RGPD2: variants seen among roughly 807,000 people sequenced by gnomAD.
The protein encoded by RGPD2 is RANBP2-like and GRIP domain-containing protein 2.
RGPD2 carries 2 observed loss-of-function variants against 36.0 expected under a neutral mutation model. The ratio of observed to expected loss-of-function variants is 0.06; its 90% CI spans 0.02 to 0.17. RGPD2 has a LOEUF of 0.17. Ranked by LOEUF, RGPD2 falls within the 10% of genes least tolerant of loss-of-function variation. RGPD2 has a pLI of 1.00. For synonymous variants in RGPD2, 19 were observed against 163.8 expected, an observed-to-expected ratio of 0.12 and a Z score of 6.75; for missense variants, 40 against 464.3, an observed-to-expected ratio of 0.09 and a Z score of 8.40.
rs777727277 is a variant in RGPD2, at chr2:87,825,695, A to C, written c.35T>G (p.Leu12Arg). Residue 12 changes from leucine (L) to arginine (R), a missense_variant, in exon 1 of 23, where the codon CTC (leucine) becomes CGC (arginine). Physicochemically the swap from Leu to Arg is moderately radical, Grantham distance 102. Transcript: ENST00000398146. ...RRSKAYGERY[L>R]ASVQGSAPSP... The stretch of plus-strand genomic sequence containing the variant: ...CGGGGCGGAGCCCTGCACCGAGGCG[A>C]GGTACCGCTCCCCGTAGGCTTTGCT... The C allele has an allele frequency of 2.2e-5, 36 of 1,601,870 alleles. No individual in the cohort carries two copies. The South Asian group carries it at 3.0e-4, about 14-fold the overall frequency.
At chr2:87,886,296 G>T in the RGPD2 span, among the ~76,000 whole-genome samples, 8 of 151,672 alleles carry the variant, frequency 5.3e-5, no homozygotes, top group Non-Finnish European at 1.0e-4. Context: ...CCTTTTCATT[G>T]CAGTCTTCCT....
At chr2:87,824,456 C>T (rs1686520048) in intron 1 of RGPD2, among the ~76,000 whole-genome samples, 1 of 152,046 alleles carries the variant, frequency 6.6e-6, no homozygotes, top group South Asian at 2.1e-4. Flanking sequence ...CAGCCTCTGC[C>T]AAACTGGGGG....
the RGPD2 span, among the ~76,000 whole-genome samples, chr2:87,857,635 G>A: frequency 2.0e-5 from 3 of 151,760 alleles, no homozygotes; most frequent in East Asian, 2.0e-4. Context: ...CAAAATATTC[G>A]TATACTTAAA....
the RGPD2 span, among the ~76,000 whole-genome samples, chr2:87,977,796 G>A: frequency 1.3e-5 from 2 of 152,050 alleles, no homozygotes; most frequent in Admixed American, 6.5e-5. Context: ...TACACAATAT[G>A]CCTTAATTTT....
upstream of RGPD2, among the ~76,000 whole-genome samples, chr2:87,827,496 AG>A (rs1240202180): frequency 7.2e-6 from 1 of 139,466 alleles, no homozygotes; most frequent in Non-Finnish European, 1.5e-5. Context: ...CCTTAACTGT[AG>A]GGTTACTGAG....
At chr2:87,909,901 A>G in the RGPD2 span, among the ~76,000 whole-genome samples, 2 of 145,120 alleles carry the variant, frequency 1.4e-5, no homozygotes, top group Middle Eastern at 7.0e-3. Context: ...CGGATGACAC[A>G]CCCTGTGGTA....
At chr2:87,986,878 C>CAAA in the RGPD2 span, among the ~76,000 whole-genome samples, 2 of 143,082 alleles carry the variant, frequency 1.4e-5, no homozygotes, top group African/African-American at 2.6e-5. Flanking sequence ...GAAACTGTCT[C>CAAA]AAAAAAAAAA....
At chr2:87,873,111 A>G in the RGPD2 span, among the ~76,000 whole-genome samples, 1 of 152,198 alleles carries the variant, frequency 6.6e-6, no homozygotes, top group African/African-American at 2.4e-5. Context: ...CTGTTCCTGC[A>G]TTAGTTTGCT....
the RGPD2 span, among the ~76,000 whole-genome samples, chr2:87,967,539 T>C: frequency 1.3e-5 from 2 of 149,852 alleles, no homozygotes; most frequent in African/African-American, 5.1e-5. Context: ...AAATTAAGAA[T>C]TTTTAAATAT....
chr2:87,883,814 C>T, the RGPD2 span, among the ~76,000 whole-genome samples: 4 of 151,976 alleles, frequency 2.6e-5, no homozygotes, highest in South Asian at 6.2e-4. Flanking sequence ...AATAATAAAT[C>T]GAAAGGAGAC....
the RGPD2 span, among the ~76,000 whole-genome samples, chr2:87,847,287 A>G: frequency 6.6e-6 from 1 of 152,164 alleles, no homozygotes; most frequent in Non-Finnish European, 1.5e-5. Flanking sequence ...CTATATTCAA[A>G]TCTCATTGCA....
At chr2:87,936,136 A>G in the RGPD2 span, among the ~76,000 whole-genome samples, 1 of 142,176 alleles carries the variant, frequency 7.0e-6, no homozygotes, top group Admixed American at 7.2e-5. Context: ...ATTTTCAGAT[A>G]TGAGTGGGAG....
the RGPD2 span, among the ~76,000 whole-genome samples, chr2:87,866,575 G>A: frequency 2.0e-5 from 3 of 152,244 alleles, no homozygotes; most frequent in African/African-American, 7.2e-5. Flanking sequence ...ATTTCCATTC[G>A]TTCATAGAGG....
At chr2:87,837,079 A>G in the RGPD2 span, among the ~76,000 whole-genome samples, 1 of 151,982 alleles carries the variant, frequency 6.6e-6, no homozygotes, top group African/African-American at 2.4e-5. Flanking sequence ...GATTCATCAA[A>G]CAAGTTCTTA....
the RGPD2 span, among the ~76,000 whole-genome samples, chr2:87,976,403 T>A: frequency 4.8e-4 from 73 of 152,262 alleles, no homozygotes; most frequent in Non-Finnish European, 8.7e-4. Flanking sequence ...AAGATCAGGA[T>A]CAGTACCAAG....
At chr2:87,915,323 A>T in the RGPD2 span, among the ~76,000 whole-genome samples, 1 of 115,554 alleles carries the variant, frequency 8.7e-6, no homozygotes, top group Admixed American at 9.1e-5. Context: ...TATGTATATT[A>T]TATATATTGT....
chr2:87,915,321 TTATATATATTGTATATATA>T, the RGPD2 span, among the ~76,000 whole-genome samples: 22 of 105,174 alleles, frequency 2.1e-4, no homozygotes, highest in African/African-American at 7.7e-4. Context: ...TATATGTATA[TTATATATATTGTATATATA>T]ATGTATATTA....
chr2:87,964,024 C>T, the RGPD2 span, among the ~76,000 whole-genome samples: 18 of 151,360 alleles, frequency 1.2e-4, no homozygotes, highest in African/African-American at 3.2e-4. Context: ...TTAGTAGAGA[C>T]GGGGTTTCAC....
At chr2:87,958,440 G>C in the RGPD2 span, among the ~76,000 whole-genome samples, 1 of 152,296 alleles carries the variant, frequency 6.6e-6, no homozygotes, top group Admixed American at 6.5e-5. Flanking sequence ...AAGCCTGCAT[G>C]TGATTGAGAG....
Sources: gnomAD v4.1 joint callset for allele counts (sites outside exome capture counted in the v4.1 genomes callset) on GRCh38, gnomAD v4.1.1 for gene constraint, MANE v1.5 for transcripts, NCBI Gene and HGNC (gene_info 2026-07-23, HGNC 2026-07-21) for gene names.